The following ZNF521 variants were observed in gnomAD, a reference collection of about 807,000 sequenced individuals.
The protein encoded by ZNF521 is LYST-interacting protein 3.
In ZNF521, 14 loss-of-function variants were observed where a neutral mutation model predicts 105.5. The ratio of observed to expected loss-of-function variants is 0.13; its 90% CI spans 0.09 to 0.21. The LOEUF is 0.21. Among genes scored for constraint, ZNF521 ranks in the 10% least tolerant of loss-of-function variants. The probability of loss-of-function intolerance (pLI) is 1.00; values close to 1 mark genes in which losing one functional copy is unlikely to be tolerated. For synonymous variants in ZNF521, 635 were observed against 606.0 expected (o/e 1.05, Z -0.70); for missense variants, 1,233 against 1,629.7 (o/e 0.76, Z 4.19).
chr18:25,097,293 C>T (rs991499921), intron 5 of ZNF521, among the ~76,000 whole-genome samples: 4 of 152,122 alleles, frequency 2.6e-5, no homozygotes, highest in African/African-American at 4.8e-5. Flanking sequence ...TGTTTCATGA[C>T]TGTAACATAA....
chr18:25,189,237 C>T (rs1600135839), intron 5 of ZNF521, among the ~76,000 whole-genome samples: 2 of 152,052 alleles, frequency 1.3e-5, no homozygotes, highest in East Asian at 3.9e-4. Context: ...TTGGTACGTT[C>T]CTGTGGCCCC....
At chr18:25,158,130 T>C (rs937535824) in intron 5 of ZNF521, among the ~76,000 whole-genome samples, 7 of 152,164 alleles carry the variant, frequency 4.6e-5, no homozygotes, top group African/African-American at 1.7e-4. Context: ...AGAATAGTTG[T>C]GGTTTCGTTA....
At chr18:25,264,943 A>G (rs1030581417) in intron 3 of ZNF521, among the ~76,000 whole-genome samples, 4 of 152,212 alleles carry the variant, frequency 2.6e-5, no homozygotes, top group Non-Finnish European at 5.9e-5. Flanking sequence ...GGAAGGAAAA[A>G]GTCTGCAGGA....
chr18:25,321,920 T>G (rs930071996), intron 3 of ZNF521, 88 bp downstream of exon 3: 2 of 1,278,384 alleles, frequency 1.6e-6, no homozygotes, highest in Non-Finnish European at 2.2e-6. Context: ...ATAAAATAAT[T>G]TGAAGAGAAA....
intron 4 of ZNF521, among the ~76,000 whole-genome samples, chr18:25,200,693 C>T (rs2035977690): frequency 6.6e-6 from 1 of 152,106 alleles, no homozygotes; most frequent in Admixed American, 6.6e-5. Context: ...AGATCATCTT[C>T]TCTGTACTCT....
chr18:25,090,349 A>C (rs996103871), intron 6 of ZNF521, among the ~76,000 whole-genome samples: 2 of 152,188 alleles, frequency 1.3e-5, no homozygotes, highest in African/African-American at 4.8e-5. Context: ...GATTTATTAA[A>C]GATGTTGGCA....
chr18:25,226,403 A>G lies in ZNF521; in HGVS notation c.1515T>C (p.Pro505=). The change falls in exon 4 of 8, where the codon CCT becomes CCC. Residue 505 remains proline, a synonymous_variant. Transcript: ENST00000361524. This position sits in a 1 kb window ranked among gnomAD's most constrained non-coding sequence, Gnocchi z 4.1. ...HIRCSHGFAN[P]AAKDSNAFFC... is the part of the protein sequence containing the mutation. ...AGAATGCATTACTATCTTTAGCTGC[A>G]GGGTTTGCAAATCCATGAGAACATC... 6.2e-7 allele frequency: 1 copy of G among 1,614,158 alleles called. No individual in the cohort carries two copies.
At chr18:25,103,079 G>T (rs1018668370) in intron 5 of ZNF521, among the ~76,000 whole-genome samples, 3 of 152,032 alleles carry the variant, frequency 2.0e-5, no homozygotes, top group Admixed American at 1.3e-4. Context: ...GCACCTGTTG[G>T]AAGGCTGGAA....
intron 5 of ZNF521, among the ~76,000 whole-genome samples, chr18:25,156,893 C>G (rs1396517544): frequency 6.6e-6 from 1 of 152,088 alleles, no homozygotes; most frequent in African/African-American, 2.4e-5. Flanking sequence ...CATGAAGGAG[C>G]TCTTGCCAAA....
chr18:25,224,569 C>T lies in ZNF521; in HGVS notation c.3349G>A (p.Gly1117Ser), dbSNP rs1432699107. ...CTCAGATTCTCATTCTGGCCCAAGC[C>T]TGGTCTATTCGTGCCGGGAGGGACG... The part of the protein sequence containing the change: ...INVPPGTNRP[G>S]LGQNENLSAI... Residue 1117 changes from glycine to serine, a missense_variant, in exon 4 of 8, where the codon GGC (glycine) becomes AGC (serine). Coordinates refer to ENST00000361524, the MANE Select transcript of ZNF521 (RefSeq NM_015461.3). The T allele has an allele frequency of 1.2e-6, 2 of 1,614,084 alleles. No homozygotes were observed. The highest frequency in any genetic ancestry group is 1.7e-6 in the Non-Finnish European group (2 of 1,180,016).
intron 3 of ZNF521, among the ~76,000 whole-genome samples, chr18:25,319,053 T>C (rs1379284349): frequency 2.0e-5 from 3 of 151,820 alleles, no homozygotes; most frequent in African/African-American, 7.3e-5. Flanking sequence ...CATCAGAAAC[T>C]AAAGTTCTCA....
chr18:25,140,579 G>C (rs2034827938), intron 5 of ZNF521, among the ~76,000 whole-genome samples: 3 of 152,150 alleles, frequency 2.0e-5, no homozygotes, highest in Admixed American at 1.3e-4. Flanking sequence ...CATAGCATCA[G>C]TTCAGTTAAA....
intron 3 of ZNF521, among the ~76,000 whole-genome samples, chr18:25,233,920 A>G (rs1188681458): frequency 6.6e-6 from 1 of 152,170 alleles, no homozygotes; most frequent in East Asian, 1.9e-4. Context: ...AGCTCAATGA[A>G]TTCCATCTTC....
chr18:25,257,225 AAAAAGATCTATTTTAG>A (rs751525335), intron 3 of ZNF521, among the ~76,000 whole-genome samples: 45 of 152,206 alleles, frequency 3.0e-4, no homozygotes, highest in Non-Finnish European at 5.7e-4. Flanking sequence ...TATAATGATT[AAAAAGATCTATTTTAG>A]AAAAGATCTA....
intron 4 of ZNF521, among the ~76,000 whole-genome samples, chr18:25,203,145 C>T (rs1288987292): frequency 6.6e-6 from 1 of 152,090 alleles, no homozygotes; most frequent in Non-Finnish European, 1.5e-5. Flanking sequence ...AAGTATTTTG[C>T]CTAAATGACA....
At chr18:25,342,348 T>C (rs1914243432) in intron 2 of ZNF521, among the ~76,000 whole-genome samples, 1 of 152,172 alleles carries the variant, frequency 6.6e-6, no homozygotes, top group African/African-American at 2.4e-5. Flanking sequence ...TTGGCTTCAT[T>C]AGTACTTGGT....
intron 3 of ZNF521, among the ~76,000 whole-genome samples, chr18:25,276,452 C>T (rs1910038564): frequency 6.6e-6 from 1 of 152,130 alleles, no homozygotes; most frequent in Non-Finnish European, 1.5e-5. Context: ...TTCCTTCCTA[C>T]ACAACAGCAA....
chr18:25,336,603 G>A (rs1598486621), intron 2 of ZNF521, among the ~76,000 whole-genome samples: 1 of 152,246 alleles, frequency 6.6e-6, no homozygotes, highest in East Asian at 1.9e-4. Context: ...TATCTACGTT[G>A]GCAAAGCAAA....
In ZNF521 at chr18:25,225,108, C is replaced by A. The variant is rs1389483666; in HGVS notation, c.2810G>T (p.Arg937Leu). 6.2e-7 allele frequency: 1 copy of A among 1,614,130 alleles called. No individual in the cohort carries two copies. The highest frequency in any genetic ancestry group is 1.3e-5 in the African/African-American group (1 of 75,026). ...KGNYKCNVCS[R>L]TFFSENGLRE... ...GAGGCCATTTTCGGAGAAGAAGGTT[C>A]GAGAGCACACGTTGCACTTGTAATT... Residue 937 changes from arginine to leucine, a missense_variant, in exon 4 of 8, where the codon CGA becomes CTA. Arg to Leu is a moderately radical substitution (Grantham distance 102, BLOSUM62 -2). Transcript: ENST00000361524. This position sits in a 1 kb window ranked among gnomAD's most constrained non-coding sequence, Gnocchi z 5.6.
Sources: allele counts gnomAD v4.1 joint callset (sites outside exome capture counted in the v4.1 genomes callset), GRCh38; gene constraint gnomAD v4.1.1; non-coding constraint Gnocchi (gnomAD v3.1); transcripts MANE v1.5; gene names NCBI Gene and HGNC (gene_info 2026-07-23, HGNC 2026-07-21).